The following DIAPH2 variants were observed in gnomAD, a reference collection of about 807,000 sequenced individuals.
DIAPH2 encodes protein diaphanous homolog 2.
Under a neutral mutation model 92.7 loss-of-function variants are expected in DIAPH2, and 35 were observed. That is an observed-to-expected ratio of 0.38 (90% CI 0.29 to 0.50). The LOEUF is 0.50. Among genes scored for constraint, DIAPH2 ranks in the 20% least tolerant of loss-of-function variants. The probability of loss-of-function intolerance (pLI) is 0.94; values close to 1 mark genes in which losing one functional copy is unlikely to be tolerated. For missense variants in DIAPH2, 701 were observed against 819.5 expected, an observed-to-expected ratio of 0.86 and a Z score of 1.77; for synonymous variants, 301 against 280.4, an observed-to-expected ratio of 1.07 and a Z score of -0.73.
At chrX:97,570,122 A>C (rs1602674679) in intron 26 of DIAPH2, among the ~76,000 whole-genome samples, 23 of 21,298 alleles carry the variant, frequency 1.1e-3, no homozygotes, top group Non-Finnish European at 1.8e-3. Flanking sequence ...ATATATATAT[A>C]TTAGAAGATA....
chrX:97,127,239 G>A (rs1475806738), intron 21 of DIAPH2, among the ~76,000 whole-genome samples: 1 of 111,751 alleles, frequency 8.9e-6, no homozygotes, highest in African/African-American at 3.3e-5. Context: ...GTTATTTAAT[G>A]TTCAGTATGA....
At chrX:96,725,246 G>C (rs1476580859) in intron 1 of DIAPH2, among the ~76,000 whole-genome samples, 1 of 111,838 alleles carries the variant, frequency 8.9e-6, no homozygotes, top group Non-Finnish European at 1.9e-5. Flanking sequence ...TCACTATGTT[G>C]AGAAAGAATC....
intron 26 of DIAPH2, among the ~76,000 whole-genome samples, chrX:97,528,061 A>G (rs1454295868): frequency 1.8e-5 from 2 of 111,946 alleles, no homozygotes; most frequent in Non-Finnish European, 3.8e-5. Context: ...TTAAAAAAAC[A>G]ACTTTATACT....
In DIAPH2 at chrX:96,921,301, A is replaced by G. The variant is rs138150695; in HGVS notation, c.978+2684A>G. Among the ~76,000 whole-genome samples the G allele has an allele frequency of 6.8e-3, 752 of 111,344 alleles. 9 individuals carry two copies. The highest frequency in any genetic ancestry group is 0.024 in the African/African-American group (725 of 30,690). ...TTCATTATCTTCAGGAGTTCAAGAA[A>G]TAGGTGGAAGATAAATCGCATATCT... On this transcript the variant is annotated intron_variant, in intron 9 of 26. Coordinates refer to ENST00000324765, the MANE Select transcript of DIAPH2 (RefSeq NM_006729.5).
At chrX:96,902,194 T>C (rs2065402157) in intron 5 of DIAPH2, among the ~76,000 whole-genome samples, 1 of 112,208 alleles carries the variant, frequency 8.9e-6, no homozygotes, top group Non-Finnish European at 1.9e-5. Flanking sequence ...ACTTGTTTTG[T>C]GGTCTATCAG....
chrX:97,334,488 A>AAAAACAG (rs59092972), intron 23 of DIAPH2, among the ~76,000 whole-genome samples: 1 of 106,041 alleles, frequency 9.4e-6, no homozygotes, highest in African/African-American at 3.4e-5. Context: ...ACAAAAAACA[A>AAAAACAG]TTCTAGATAC....
At chrX:96,760,165 A>G (rs1274897905) in intron 4 of DIAPH2, among the ~76,000 whole-genome samples, 2 of 111,557 alleles carry the variant, frequency 1.8e-5, no homozygotes, top group African/African-American at 3.2e-5. Flanking sequence ...GCCAGATACT[A>G]TGATGGAAGA....
At chrX:96,928,944 T>A (rs2065601386) in intron 9 of DIAPH2, among the ~76,000 whole-genome samples, 1 of 111,925 alleles carries the variant, frequency 8.9e-6, no homozygotes, top group African/African-American at 3.2e-5. Flanking sequence ...CTGAATACTT[T>A]TATTTGTATA....
At chrX:97,382,827 A>G (rs184180029) in intron 24 of DIAPH2, among the ~76,000 whole-genome samples, 71 of 112,504 alleles carry the variant, frequency 6.3e-4, no homozygotes, top group African/African-American at 2.0e-3. Context: ...AACATAAAGA[A>G]AAAAATTATT....
chrX:97,021,441 A>G (rs1399664188), intron 17 of DIAPH2, among the ~76,000 whole-genome samples: 2 of 111,326 alleles, frequency 1.8e-5, no homozygotes, highest in Non-Finnish European at 3.8e-5. Context: ...CAAGAAATCC[A>G]CCCGCCTTGG....
chrX:97,469,795 T>C, intron 26 of DIAPH2: 2 of 1,180,365 alleles, frequency 1.7e-6, no homozygotes, highest in Admixed American at 4.8e-5. Flanking sequence ...AACATGACTT[T>C]TTAAGATAAT....
At chrX:97,224,403 TCTTA>T (rs1218918017) in intron 22 of DIAPH2, among the ~76,000 whole-genome samples, 4 of 112,101 alleles carry the variant, frequency 3.6e-5, no homozygotes, top group African/African-American at 1.3e-4. Flanking sequence ...CCTCTAATGA[TCTTA>T]CTTCTCTCTA....
At position 97,203,486 on chromosome X, in the gene DIAPH2, C is replaced by T. The variant is rs566340901; in HGVS notation, c.2720-44229C>T. On this transcript the variant is annotated intron_variant, in intron 22 of 26. Transcript: ENST00000324765. Reference sequence around the variant, plus strand: ...TAGACACAATAAAAAAAGATAAAGGCGATATCACCACTGGTCCCACAGAAA... The same window carrying T: ...TAGACACAATAAAAAAAGATAAAGGTGATATCACCACTGGTCCCACAGAAA... Among the ~76,000 whole-genome samples the T allele has an allele frequency of 1.9e-4, 21 of 111,114 alleles. No individual in the cohort carries two copies. The South Asian group carries it at 6.1e-3, about 32-fold the overall frequency.
chrX:97,098,865 A>C (rs942162876), intron 19 of DIAPH2, among the ~76,000 whole-genome samples: 4 of 112,903 alleles, frequency 3.5e-5, no homozygotes, highest in South Asian at 7.3e-4. Context: ...AGGGACACAA[A>C]CATTCAATTC....
At chrX:97,172,866 C>T (rs952377299) in intron 22 of DIAPH2, among the ~76,000 whole-genome samples, 26 of 111,907 alleles carry the variant, frequency 2.3e-4, no homozygotes, top group African/African-American at 6.8e-4. Context: ...AACTGAATTA[C>T]CTTCCGTTCA....
Position 97,168,556 on chromosome X carries a change from A to G in DIAPH2, c.2719+26762A>G, listed in dbSNP as rs1456384625. On this transcript the variant is annotated intron_variant, in intron 22 of 26. Coordinates refer to ENST00000324765, the MANE Select transcript of DIAPH2 (RefSeq NM_006729.5). Reference sequence around the variant, plus strand: ...TCAGACACAGTTCTAGGTAGTGTGGATATGGCAGTGAAAAAAATACATTTA... The same window carrying G: ...TCAGACACAGTTCTAGGTAGTGTGGGTATGGCAGTGAAAAAAATACATTTA... 3.6e-5 allele frequency among the ~76,000 whole-genome samples: 4 copies of G among 111,513 alleles called. No individual in the cohort carries two copies. In the East Asian group the frequency reaches 1.1e-3, roughly 31 times the overall value.
intron 3 of DIAPH2, among the ~76,000 whole-genome samples, chrX:96,748,617 A>G (rs2064165419): frequency 8.9e-6 from 1 of 111,995 alleles, no homozygotes; most frequent in South Asian, 3.8e-4. Context: ...ACTTAAAGAA[A>G]ATCCCTGCCA....
rs1569397519 is a variant in DIAPH2, at chrX:97,438,358, T to C, written c.3241+8613T>C. On this transcript the variant is annotated intron_variant, in intron 26 of 26. Coordinates refer to ENST00000324765, the MANE Select transcript of DIAPH2 (RefSeq NM_006729.5). The stretch of plus-strand genomic sequence containing the variant: ...TTCTTGTTTTTTTTTTTTGTTTGTT[T>C]GTTTTTTTTTTTTTTTTTTTTTTTT... Among the ~76,000 whole-genome samples, 110 of 81,262 alleles carry C rather than the reference T, an allele frequency of 1.4e-3. 1 individual carries two copies. Among genetic ancestry groups the C allele is most frequent in the African/African-American group, 5.1e-3 (108 of 21,334 alleles). The allele number at this position is 81,262 out of a possible 115,157, so 70.6% of individuals were successfully genotyped here. A position where few individuals can be genotyped will look rare whatever the true frequency, so the allele number is the denominator to read the frequency against.
At chrX:96,741,139 A>G (rs1485518723) in intron 3 of DIAPH2, among the ~76,000 whole-genome samples, 1 of 108,017 alleles carries the variant, frequency 9.3e-6, no homozygotes, top group Non-Finnish European at 1.9e-5. Context: ...CATTCCTTTC[A>G]GCTACTCACA....
Sources: allele counts gnomAD v4.1 joint callset (sites outside exome capture counted in the v4.1 genomes callset), GRCh38; gene constraint gnomAD v4.1.1; transcripts MANE v1.5; gene names NCBI Gene and HGNC (gene_info 2026-07-23, HGNC 2026-07-21).